The following ZNF738 variants were observed in gnomAD, a reference collection of about 807,000 sequenced individuals.
ZNF738 encodes zinc finger protein 738.
A neutral mutation model predicts 9.2 loss-of-function variants in ZNF738; 10 were observed. The ratio of observed to expected loss-of-function variants is 1.09; its 90% CI spans 0.67 to 1.85. The LOEUF is 1.85. ZNF738 is among the 40% of genes most tolerant of loss of function. ZNF738 has a pLI of 0.00. For synonymous variants in ZNF738, 113 were observed against 94.5 expected, an observed-to-expected ratio of 1.20 and a Z score of -1.14; for missense variants, 346 against 283.6, an observed-to-expected ratio of 1.22 and a Z score of -1.58.
intron 2 of ZNF738, among the ~76,000 whole-genome samples, chr19:21,365,944 G>A (rs967933253): frequency 7.6e-5 from 10 of 131,706 alleles, no homozygotes; most frequent in South Asian, 2.7e-4. Context: ...GTGACAGAGG[G>A]AGACTCCATC....
chr19:21,383,379 A>G lies in ZNF738; in HGVS notation c.833A>G (p.His278Arg). Residue 278 changes from histidine (H) to arginine (R), a missense_variant, in exon 5 of 5, where the codon CAT becomes CGT. Coordinates refer to ENST00000683779, the MANE Select transcript of ZNF738 (RefSeq NM_001355237.2). ...AACCACTCCACAACTCTTACTAGACATAAGGTAATTCATGCTGGAGAGAAA... is the reference window on the plus strand; with the variant it reads ...AACCACTCCACAACTCTTACTAGACGTAAGGTAATTCATGCTGGAGAGAAA... ...GFNHSTTLTR[H>R]KVIHAGEKHY... 2 of 989,514 alleles carry G rather than the reference A, an allele frequency of 2.0e-6. No individual in the cohort carries two copies. Among genetic ancestry groups the G allele is most frequent in the Non-Finnish European group, 3.1e-6 (2 of 637,064 alleles). The allele number at this position is 989,514 out of a possible 1,614,324, so 61.3% of individuals were successfully genotyped here.
At position 21,384,391 on chromosome 19, in the gene ZNF738, G is replaced by T. The variant is rs961949313; in HGVS notation, c.*717G>T. On this transcript the variant is annotated 3_prime_UTR_variant, in exon 5 of 5. Transcript: ENST00000683779. ...TTCTCAACCCTTACTAAACATAAGA[G>T]AATTCATAATGGAGAGAAACCCTAC... is the stretch of plus-strand genomic sequence containing the variant. 8.7e-5 allele frequency among the ~76,000 whole-genome samples: 13 copies of T among 148,720 alleles called. No homozygotes were observed. Among genetic ancestry groups the T allele is most frequent in the Non-Finnish European group, 1.6e-4 (11 of 67,036 alleles).
rs555784007 is a variant in ZNF738, at chr19:21,359,207, G to T, written c.3+64G>T. 1.5e-5 allele frequency: 15 copies of T among 1,002,162 alleles called. No homozygotes were observed. In the Admixed American group the frequency reaches 2.2e-4, roughly 15 times the overall value. 62.1% of individuals were successfully genotyped at this position (1,002,162 alleles called of 1,614,324 possible). On this transcript the variant is annotated intron_variant, in intron 1 of 4. Transcript: ENST00000683779. ...GGCTGGTTGGAACCGGTGGGAAGTGGCTGTGGCGAGACTCAGGCCTCCCCG... is the reference window on the plus strand; with the variant it reads ...GGCTGGTTGGAACCGGTGGGAAGTGTCTGTGGCGAGACTCAGGCCTCCCCG...
At chr19:21,364,085 G>A (rs1402675621) in intron 2 of ZNF738, among the ~76,000 whole-genome samples, 3 of 148,938 alleles carry the variant, frequency 2.0e-5, no homozygotes, top group Admixed American at 6.8e-5. Context: ...TAGCCCCAGT[G>A]ACTTAGGAGC....
chr19:21,366,429 A>G (rs1464385036), intron 2 of ZNF738, among the ~76,000 whole-genome samples: 2 of 152,170 alleles, frequency 1.3e-5, no homozygotes, highest in Non-Finnish European at 2.9e-5. Flanking sequence ...ACCCAGGTAT[A>G]TGGACTCAAA....
In ZNF738 at chr19:21,384,320, A is replaced by AG. The variant is rs1031280889; in HGVS notation, c.*647dup. 6.6e-6 allele frequency among the ~76,000 whole-genome samples: 1 copy of AG among 152,072 alleles called. No individual in the cohort carries two copies. Among genetic ancestry groups the AG allele is most frequent in the Admixed American group, 6.5e-5 (1 of 15,276 alleles). ...CTAAACATAAGATAATTCATACTGGAGAGAGACCCTACAAGTGTGAAGAAT... is the reference window on the plus strand; with the variant it reads ...CTAAACATAAGATAATTCATACTGGAGGAGAGACCCTACAAGTGTGAAGAAT... On this transcript the variant is annotated 3_prime_UTR_variant, in exon 5 of 5. Transcript: ENST00000683779.
At chr19:21,370,217 T>C (rs1973839792) in intron 2 of ZNF738, among the ~76,000 whole-genome samples, 1 of 152,264 alleles carries the variant, frequency 6.6e-6, no homozygotes. Context: ...GAACCAACCT[T>C]TTATTTCAGA....
chr19:21,364,242 A>G (rs2145219691), intron 2 of ZNF738, among the ~76,000 whole-genome samples: 1 of 151,478 alleles, frequency 6.6e-6, no homozygotes, highest in South Asian at 2.1e-4. Flanking sequence ...CAGGAGGAAT[A>G]CCAATTATAA....
chr19:21,360,235 G>T (rs1973664028), intron 1 of ZNF738, among the ~76,000 whole-genome samples: 1 of 151,274 alleles, frequency 6.6e-6, no homozygotes, highest in Non-Finnish European at 1.5e-5. Context: ...CAGTCTAATT[G>T]CCTGCCACTT....
chr19:21,380,659 A>C (rs1480823060), intron 4 of ZNF738, among the ~76,000 whole-genome samples: 1 of 152,226 alleles, frequency 6.6e-6, no homozygotes, highest in East Asian at 1.9e-4. Context: ...CTGAGAACTA[A>C]TCTGTACTAT....
intron 4 of ZNF738, 140 bp downstream of exon 4, chr19:21,376,104 TTTTG>T (rs1039422000): frequency 7.8e-5 from 37 of 477,028 alleles, no homozygotes; most frequent in African/African-American, 1.6e-4. Context: ...TGTGTGGTTT[TTTTG>T]TTTGTTTTCT....
rs2145245615 is a variant in ZNF738, at chr19:21,385,034, C to T, written c.*1360C>T. Among the ~76,000 whole-genome samples, 1 of 152,204 alleles carries T rather than the reference C, an allele frequency of 6.6e-6. No individual in the cohort carries two copies. Among genetic ancestry groups the T allele is most frequent in the South Asian group, 2.1e-4 (1 of 4,822 alleles). ...GTGAAGAATGTGGCAAAGGCTTTGACTGGTCCTCTACCCTTACTAAAGATA... is the reference window on the plus strand; with the variant it reads ...GTGAAGAATGTGGCAAAGGCTTTGATTGGTCCTCTACCCTTACTAAAGATA... On this transcript the variant is annotated 3_prime_UTR_variant, in exon 5 of 5. Transcript: ENST00000683779.
chr19:21,381,524 C>T (rs1974004298), intron 4 of ZNF738: 6 of 811,454 alleles, frequency 7.4e-6, no homozygotes, highest in South Asian at 4.6e-5. Context: ...GATGGAGTCT[C>T]ATTCTGTCAC....
At chr19:21,381,503 T>C (rs1974003833) in intron 4 of ZNF738, 1 of 1,001,548 alleles carries the variant, frequency 1.0e-6, no homozygotes, top group Admixed American at 2.0e-5. Flanking sequence ...TTCTTTTTCT[T>C]TTTTTTTCGA....
chr19:21,373,400 C>G (rs753542898), intron 2 of ZNF738, among the ~76,000 whole-genome samples: 1 of 152,154 alleles, frequency 6.6e-6, no homozygotes, highest in African/African-American at 2.4e-5. Flanking sequence ...TTAAGTTCCA[C>G]CTTTGCACTA....
At chr19:21,363,863 T>G (rs1962104374) in intron 2 of ZNF738, among the ~76,000 whole-genome samples, 1 of 87,414 alleles carries the variant, frequency 1.1e-5, no homozygotes, top group African/African-American at 5.7e-5. Context: ...CACTCCAGAC[T>G]GGGTGACAGT....
In ZNF738 at chr19:21,383,828, C is replaced by A; in HGVS notation, c.*154C>A. On this transcript the variant is annotated 3_prime_UTR_variant, in exon 5 of 5. Coordinates refer to ENST00000683779, the MANE Select transcript of ZNF738 (RefSeq NM_001355237.2). ...AAATTCATTCTGGAGAGAAACCCTA[C>A]AAATGTGGAGAATGTGGCAAAGCTT... is the stretch of plus-strand genomic sequence containing the variant. The A allele has an allele frequency of 7.7e-7, 1 of 1,296,372 alleles. No homozygotes were observed. Among genetic ancestry groups the A allele is most frequent in the Admixed American group, 1.7e-5 (1 of 58,370 alleles). The allele number at this position is 1,296,372 out of a possible 1,614,324, so 80.3% of individuals were successfully genotyped here.
At chr19:21,377,094 G>A (rs187495651) in intron 4 of ZNF738, among the ~76,000 whole-genome samples, 13 of 152,156 alleles carry the variant, frequency 8.5e-5, no homozygotes, top group Admixed American at 5.2e-4. Context: ...GATCATCTGA[G>A]TTTGGGAGTT....
At chr19:21,359,269 G>C (rs1973650264) in intron 1 of ZNF738, 126 bp downstream of exon 1, 1 of 794,106 alleles carries the variant, frequency 1.3e-6, no homozygotes, top group Admixed American at 1.8e-5. Flanking sequence ...AGTTCTCCTT[G>C]CCCAGCTCGG....
Sources: allele counts gnomAD v4.1 joint callset (sites outside exome capture counted in the v4.1 genomes callset), GRCh38; gene constraint gnomAD v4.1.1; transcripts MANE v1.5; gene names NCBI Gene and HGNC (gene_info 2026-07-23, HGNC 2026-07-21).